AP1S2: variants seen among roughly 807,000 people sequenced by gnomAD.
The protein encoded by AP1S2 is AP-1 complex subunit sigma-2.
AP1S2 carries 1 observed loss-of-function variant against 14.3 expected under a neutral mutation model. That is an observed-to-expected ratio of 0.07 (90% CI 0.02 to 0.33). The LOEUF is 0.33. Among genes scored for constraint, AP1S2 ranks in the 10% least tolerant of loss-of-function variants. The probability of loss-of-function intolerance (pLI) is 0.99; values close to 1 mark genes in which losing one functional copy is unlikely to be tolerated. For synonymous variants in AP1S2, 30 were observed against 40.5 expected (o/e 0.74, Z 0.99); for missense variants, 30 against 117.7 (o/e 0.25, Z 3.45).
intron 4 of AP1S2, chrX:15,845,145 A>G (rs1933962045): frequency 1.3e-6 from 1 of 752,202 alleles, no homozygotes; most frequent in Admixed American, 8.8e-5. Context: ...AGGGTCCAAA[A>G]AGGGCCATTG....
At chrX:15,837,543 T>C (rs746145941) in intron 4 of AP1S2, among the ~76,000 whole-genome samples, 10 of 109,907 alleles carry the variant, frequency 9.1e-5, no homozygotes, top group Admixed American at 8.8e-4. Flanking sequence ...AAGTCAACCA[T>C]AGATTATCTC....
In AP1S2 at chrX:15,852,334, CA is replaced by C. The variant is rs745487408; in HGVS notation, c.179+11del. 76 of 1,206,279 alleles carry C rather than the reference CA, an allele frequency of 6.3e-5. No homozygotes were observed. In the East Asian group the frequency reaches 2.1e-3, roughly 33 times the overall value. ...GATTCTATTTCACCTTTCTGACAAA[CA>C]AAAATTATACCTTTTGTAAACAATC... is the stretch of plus-strand genomic sequence containing the variant. On this transcript the variant is annotated intron_variant, in intron 2 of 5. Transcript: ENST00000672987.
chrX:15,839,371 G>T (rs1405637729), intron 4 of AP1S2, among the ~76,000 whole-genome samples: 1 of 111,963 alleles, frequency 8.9e-6, no homozygotes, highest in South Asian at 3.7e-4. Flanking sequence ...TGACATTCTT[G>T]TACATATTTG....
chrX:15,833,349 C>CT, intron 4 of AP1S2: 1 of 852,314 alleles, frequency 1.2e-6, no homozygotes, highest in South Asian at 3.7e-5. Context: ...CCTGACACAC[C>CT]TTTTACTGCT....
intron 4 of AP1S2, chrX:15,833,195 C>T (rs1331582323): frequency 2.7e-6 from 2 of 752,127 alleles, no homozygotes; most frequent in Admixed American, 8.7e-5. Context: ...CGAGAGCTTA[C>T]GCTCATTAAA....
At chrX:15,840,430 C>A in intron 4 of AP1S2, 1 of 533,164 alleles carries the variant, frequency 1.9e-6, no homozygotes, top group Non-Finnish European at 2.7e-6. Context: ...AATCATCTCA[C>A]GTGCAACAGT....
chrX:15,854,388 C>T (rs1934271396), intron 1 of AP1S2, among the ~76,000 whole-genome samples: 1 of 112,580 alleles, frequency 8.9e-6, no homozygotes, highest in Non-Finnish European at 1.9e-5. Flanking sequence ...TCCTCGGCCG[C>T]CACCGCCCCC....
In AP1S2 at chrX:15,828,615, T is replaced by C. The variant is rs770732699; in HGVS notation, c.427-415A>G. On this transcript the variant is annotated intron_variant, in intron 4 of 5. Coordinates refer to ENST00000672987, the MANE Select transcript of AP1S2 (RefSeq NM_001272071.2). ...ATTTTTTTAAAAAGAGTCTAACCTATGAAGTATTCTTGCCCCCTCAAATTG... is the reference window on the plus strand; with the variant it reads ...ATTTTTTTAAAAAGAGTCTAACCTACGAAGTATTCTTGCCCCCTCAAATTG... 3.6e-5 allele frequency among the ~76,000 whole-genome samples: 4 copies of C among 111,078 alleles called. No homozygotes were observed. In the South Asian group the frequency reaches 1.1e-3, roughly 31 times the overall value.
intron 4 of AP1S2, chrX:15,832,651 T>A: frequency 2.5e-6 from 2 of 789,524 alleles, no homozygotes; most frequent in Non-Finnish European, 3.0e-6. Context: ...TCTGTATCAA[T>A]GGCATTAGTG....
rs778191033 is a variant in AP1S2, at chrX:15,854,724, G to C, written c.-37C>G. ...GCCGCGGGCGCGGCGGAGCTTGGCC[G>C]GCGGCGGCGGCGGCGGCGAAGGGGA... On this transcript the variant is annotated 5_prime_UTR_variant, in exon 1 of 6. Transcript: ENST00000672987. 171 of 774,273 alleles carry C rather than the reference G, an allele frequency of 2.2e-4. 1 individual carries two copies. The highest frequency in any genetic ancestry group is 1.3e-3 in the Admixed American group (16 of 12,706). The allele number at this position is 774,273 out of a possible 1,213,427, so 63.8% of individuals were successfully genotyped here.
intron 4 of AP1S2, among the ~76,000 whole-genome samples, chrX:15,842,915 A>G (rs181489997): frequency 7.3e-4 from 80 of 109,603 alleles, no homozygotes; most frequent in Non-Finnish European, 7.0e-4. Context: ...AGTCCCAGCT[A>G]CTTGGGAGGC....
chrX:15,840,176 C>T (rs1319879979), intron 4 of AP1S2, among the ~76,000 whole-genome samples: 1 of 112,073 alleles, frequency 8.9e-6, no homozygotes. Context: ...ATTATGCTTG[C>T]TTTTGGTACC....
Position 15,834,454 on chromosome X carries a change from AT to A in AP1S2, c.427-6255del, listed in dbSNP as rs1210338048. On this transcript the variant is annotated intron_variant, in intron 4 of 5. Coordinates refer to ENST00000672987, the MANE Select transcript of AP1S2 (RefSeq NM_001272071.2). ...TCCCTTCCAAAATATATATATATAT[AT>A]ATATATATATATATATATATATATA... Among the ~76,000 whole-genome samples the A allele has an allele frequency of 8.1e-4, 24 of 29,613 alleles. 1 individual carries two copies. Among genetic ancestry groups the A allele is most frequent in the East Asian group, 3.8e-3 (4 of 1,064 alleles). The allele number at this position is 29,613 out of a possible 115,157, so 25.7% of individuals were successfully genotyped here.
intron 4 of AP1S2, chrX:15,831,237 T>C: frequency 1.4e-6 from 1 of 735,327 alleles, no homozygotes; most frequent in Non-Finnish European, 1.6e-6. Flanking sequence ...TAATAATATG[T>C]ATGTGTTTAA....
intron 2 of AP1S2, among the ~76,000 whole-genome samples, chrX:15,851,487 C>T (rs1054803674): frequency 7.1e-5 from 8 of 112,145 alleles, no homozygotes; most frequent in African/African-American, 2.6e-4. Flanking sequence ...TGCAGAAATG[C>T]TCTTATCTTA....
chrX:15,844,419 T>C (rs1933937765), intron 4 of AP1S2, among the ~76,000 whole-genome samples: 1 of 112,749 alleles, frequency 8.9e-6, no homozygotes, highest in African/African-American at 3.2e-5. Flanking sequence ...ATATTTTCAA[T>C]GCTTCTGGAA....
intron 2 of AP1S2, among the ~76,000 whole-genome samples, chrX:15,848,403 C>T (rs1056871576): frequency 9.0e-6 from 1 of 111,669 alleles, no homozygotes; most frequent in Admixed American, 9.5e-5. Context: ...TGCCTAGGAA[C>T]AGCAATTTGA....
intron 4 of AP1S2, among the ~76,000 whole-genome samples, chrX:15,829,710 C>G (rs1424475107): frequency 1.8e-5 from 2 of 111,565 alleles, no homozygotes; most frequent in East Asian, 5.6e-4. Flanking sequence ...AATTGTAGCT[C>G]AAAACTACCC....
chrX:15,835,309 G>C (rs1297713159), intron 4 of AP1S2, among the ~76,000 whole-genome samples: 1 of 111,948 alleles, frequency 8.9e-6, no homozygotes, highest in East Asian at 2.8e-4. Context: ...ACTATAAAGT[G>C]GTATGCTTAG....
Sources: gnomAD v4.1 joint callset for allele counts (sites outside exome capture counted in the v4.1 genomes callset) on GRCh38, gnomAD v4.1.1 for gene constraint, MANE v1.5 for transcripts, NCBI Gene and HGNC (gene_info 2026-07-23, HGNC 2026-07-21) for gene names.